Variants in SLC35A5 observed in about 807,000 individuals in gnomAD.
SLC35A5 encodes the protein solute carrier family 35 member A5.
Under a neutral mutation model 36.3 loss-of-function variants are expected in SLC35A5, and 28 were observed. That is an observed-to-expected ratio of 0.77 (90% CI 0.57 to 1.06). SLC35A5 has a LOEUF of 1.06. Ranked by LOEUF, SLC35A5 falls within the 50% of genes least tolerant of loss-of-function variation. SLC35A5 has a pLI of 0.00. For missense variants in SLC35A5, 521 were observed against 499.3 expected (o/e 1.04, Z -0.41); for synonymous variants, 180 against 173.7 (o/e 1.04, Z -0.29).
At chr3:112,580,200 ATC>A (rs1299480074) in intron 5 of SLC35A5, among the ~76,000 whole-genome samples, 1 of 152,154 alleles carries the variant, frequency 6.6e-6, no homozygotes, top group African/African-American at 2.4e-5. Flanking sequence ...CAGGTTGAGA[ATC>A]TCTGCTGTAA....
At chr3:112,577,082 A>T (rs1934707623) in intron 5 of SLC35A5, among the ~76,000 whole-genome samples, 1 of 85,794 alleles carries the variant, frequency 1.2e-5, no homozygotes, top group African/African-American at 2.9e-5. Context: ...TTTTAAAAAA[A>T]ATTTTTTAAG....
At chr3:112,574,308 G>A (rs1353644582) in intron 5 of SLC35A5, among the ~76,000 whole-genome samples, 3 of 152,186 alleles carry the variant, frequency 2.0e-5, no homozygotes, top group Admixed American at 2.0e-4. Context: ...TCCTAAGATT[G>A]TTAATATATT....
chr3:112,562,290 G>C lies in SLC35A5; in HGVS notation c.-20+17G>C, dbSNP rs1160458013. The C allele has an allele frequency of 6.6e-6, 1 of 152,590 alleles. No individual in the cohort carries two copies. Among genetic ancestry groups the C allele is most frequent in the African/African-American group, 2.4e-5 (1 of 41,472 alleles). The allele number at this position is 152,590 out of a possible 1,614,324, so 9.5% of individuals were successfully genotyped here. ...CTGAGGGAGGTAACCGCGCCCCGCG[G>C]GCAAGGAATTGCGCCTGCGTCTGAG... On this transcript the variant is annotated intron_variant, in intron 1 of 6. Coordinates refer to ENST00000492406, the MANE Select transcript of SLC35A5 (RefSeq NM_017945.5).
chr3:112,562,293 A>G lies in SLC35A5; in HGVS notation c.-20+20A>G, dbSNP rs1933946378. 6.6e-6 allele frequency: 1 copy of G among 152,558 alleles called. No homozygotes were observed. The highest frequency in any genetic ancestry group is 1.5e-5 in the Non-Finnish European group (1 of 68,274). The allele number at this position is 152,558 out of a possible 1,614,324, so 9.5% of individuals were successfully genotyped here. On this transcript the variant is annotated intron_variant, in intron 1 of 6. Transcript: ENST00000492406. ...AGGGAGGTAACCGCGCCCCGCGGGC[A>G]AGGAATTGCGCCTGCGTCTGAGGGG... is the stretch of plus-strand genomic sequence containing the variant.
Position 112,581,232 on chromosome 3 carries a change from T to C in SLC35A5, c.1115T>C (p.Ile372Thr), listed in dbSNP as rs775045863. Residue 372 changes from isoleucine to threonine, a missense_variant, in exon 6 of 7, where the codon ATT (isoleucine) becomes ACT (threonine). Transcript: ENST00000492406. ...CCATCAGTCCTTCTCTCTATATTTA[T>C]TTATAATGCCAGCAAGCCTCAAGTT... ...EAPSVLLSIFIYNASKPQVPE... is the reference protein window; with the variant it reads ...EAPSVLLSIFTYNASKPQVPE... 4 of 1,613,898 alleles carry C rather than the reference T, an allele frequency of 2.5e-6. No individual in the cohort carries two copies. The highest frequency in any genetic ancestry group is 2.5e-6 in the Non-Finnish European group (3 of 1,179,888).
intron 2 of SLC35A5, among the ~76,000 whole-genome samples, chr3:112,566,853 T>A (rs1934217998): frequency 6.6e-6 from 1 of 152,178 alleles, no homozygotes; most frequent in Admixed American, 6.5e-5. Context: ...GAAGTAGTAT[T>A]TTATATTTTG....
intron 4 of SLC35A5, among the ~76,000 whole-genome samples, chr3:112,572,724 C>T (rs1003706232): frequency 7.9e-5 from 12 of 152,164 alleles, no homozygotes; most frequent in African/African-American, 2.7e-4. Context: ...AATAGAGATG[C>T]ATGGAATGTT....
At chr3:112,572,524 C>T (rs1406069483) in intron 4 of SLC35A5, among the ~76,000 whole-genome samples, 2 of 152,182 alleles carry the variant, frequency 1.3e-5, no homozygotes, top group Admixed American at 6.5e-5. Flanking sequence ...TGTATTTTAT[C>T]ACAGATTCAC....
chr3:112,566,154 T>C (rs1202601323), intron 2 of SLC35A5, among the ~76,000 whole-genome samples: 1 of 152,232 alleles, frequency 6.6e-6, no homozygotes, highest in Non-Finnish European at 1.5e-5. Context: ...TTAAAAAAGA[T>C]AACATATAGC....
chr3:112,581,605 G>A (rs1316814266), intron 6 of SLC35A5, among the ~76,000 whole-genome samples: 1 of 152,126 alleles, frequency 6.6e-6, no homozygotes, highest in East Asian at 1.9e-4. Flanking sequence ...TACCTCACAG[G>A]TTGTCTTGTC....
chr3:112,561,644 C>A (rs369353152), upstream of SLC35A5: 1 of 1,097,042 alleles, frequency 9.1e-7, no homozygotes, highest in African/African-American at 1.6e-5. Flanking sequence ...ACCCGGCTGG[C>A]AGCACCCGAG....
rs1295846534 is a variant in SLC35A5, at chr3:112,583,585, A to G, written c.*849A>G. On this transcript the variant is annotated 3_prime_UTR_variant, in exon 7 of 7. Transcript: ENST00000492406. ...TACTAATTCAAGCTGTGACTATTGT[A>G]TATCTTTCCAAGAGTTGAAATGCTG... 1 of 153,228 alleles carries G rather than the reference A, an allele frequency of 6.5e-6. No individual in the cohort carries two copies. The highest frequency in any genetic ancestry group is 1.5e-5 in the Non-Finnish European group (1 of 68,858). 9.5% of individuals were successfully genotyped at this position (153,228 alleles called of 1,614,324 possible). A position where few individuals can be genotyped will look rare whatever the true frequency, so the allele number is the denominator to read the frequency against.
chr3:112,581,398 AT>A, intron 6 of SLC35A5, 72 bp downstream of exon 6: 2 of 1,431,196 alleles, frequency 1.4e-6, no homozygotes, highest in Non-Finnish European at 1.9e-6. Flanking sequence ...AAGGAAAAAA[AT>A]AAAATCAGTA....
intron 1 of SLC35A5, among the ~76,000 whole-genome samples, chr3:112,562,907 A>G (rs1055150897): frequency 1.3e-5 from 2 of 152,096 alleles, no homozygotes; most frequent in Non-Finnish European, 2.9e-5. Context: ...TAAAAATACA[A>G]AAATTAGCCG....
chr3:112,573,711 C>G (rs1003824450), intron 4 of SLC35A5, among the ~76,000 whole-genome samples, 178 bp from the exon 5 acceptor site: 1 of 152,208 alleles, frequency 6.6e-6, no homozygotes, highest in Admixed American at 6.5e-5. Context: ...TTGATCATAT[C>G]TACGTAAATT....
chr3:112,577,157 A>G (rs13094161), intron 5 of SLC35A5, among the ~76,000 whole-genome samples: 10,159 of 152,106 alleles, frequency 0.067, 428 homozygotes, highest in Admixed American at 0.12. Context: ...AGGCAAAAGT[A>G]AGTCTGGTAA....
chr3:112,571,076 C>T (rs113107970), intron 4 of SLC35A5, among the ~76,000 whole-genome samples: 1 of 152,160 alleles, frequency 6.6e-6, no homozygotes, highest in African/African-American at 2.4e-5. Context: ...ACCTTTCTTA[C>T]ACCTGTTTTA....
chr3:112,571,182 C>T (rs1934419207), intron 4 of SLC35A5, among the ~76,000 whole-genome samples: 1 of 152,168 alleles, frequency 6.6e-6, no homozygotes, highest in African/African-American at 2.4e-5. Context: ...CATGTCCTCC[C>T]AACTAGAAAT....
upstream of SLC35A5, chr3:112,561,820 G>A (rs1933901854): frequency 7.2e-6 from 3 of 417,566 alleles, no homozygotes; most frequent in Non-Finnish European, 1.3e-5. Context: ...AGGGAGACCT[G>A]AGGTGAGAAG....
Sources: gnomAD v4.1 joint callset for allele counts (sites outside exome capture counted in the v4.1 genomes callset) on GRCh38, gnomAD v4.1.1 for gene constraint, MANE v1.5 for transcripts, NCBI Gene and HGNC (gene_info 2026-07-23, HGNC 2026-07-21) for gene names.